ABCC8: variants seen among roughly 807,000 people sequenced by gnomAD.
ABCC8 encodes ATP binding cassette subfamily C member 8, also known as ATP-binding cassette sub-family C member 8.
Under a neutral mutation model 188.0 loss-of-function variants are expected in ABCC8, and 137 were observed. The observed-to-expected ratio is 0.73, with a 90% confidence interval of 0.63 to 0.84. The LOEUF is 0.84. ABCC8 is among the 40% of genes least tolerant of loss of function. The pLI is 0.00. For missense variants in ABCC8, 1,750 were observed against 2,072.7 expected (o/e 0.84, Z 3.02); for synonymous variants, 797 against 846.5 (o/e 0.94, Z 1.01).
chr11:17,408,143 T>C, intron 23 of ABCC8: 1 of 411,328 alleles, frequency 2.4e-6, no homozygotes, highest in Non-Finnish European at 4.4e-6. Flanking sequence ...GTTGATTTTC[T>C]GAAACTTTGC....
At chr11:17,442,313 G>A (rs1450744102) in intron 10 of ABCC8, among the ~76,000 whole-genome samples, 19 of 152,168 alleles carry the variant, frequency 1.2e-4, no homozygotes, top group Non-Finnish European at 2.9e-5. Context: ...AAGCTTTCTT[G>A]TAGCTTCCCC....
chr11:17,401,254 C>T (rs1386094440), intron 29 of ABCC8, among the ~76,000 whole-genome samples: 1 of 152,200 alleles, frequency 6.6e-6, no homozygotes, highest in East Asian at 1.9e-4. Flanking sequence ...GAAGTTCAGG[C>T]TTGAGAAGAG....
chr11:17,395,524 C>T, intron 35 of ABCC8, 86 bp downstream of exon 35: 1 of 1,517,796 alleles, frequency 6.6e-7, no homozygotes, highest in Non-Finnish European at 8.9e-7. Flanking sequence ...TCCTGGTCTC[C>T]CCCAACCCCC....
chr11:17,414,871 G>T (rs1299972837), intron 18 of ABCC8, among the ~76,000 whole-genome samples: 1 of 152,108 alleles, frequency 6.6e-6, no homozygotes, highest in Non-Finnish European at 1.5e-5. Flanking sequence ...GCAGTCTGTT[G>T]TTCCTTAGTC....
At chr11:17,428,869 G>T in intron 12 of ABCC8, 199 bp from the exon 13 acceptor site, 3 of 890,670 alleles carry the variant, frequency 3.4e-6, no homozygotes, top group South Asian at 1.7e-5. Context: ...TGACCAGTCA[G>T]CTGGAATAGG....
At chr11:17,445,967 T>TA (rs1956511055) in intron 8 of ABCC8, among the ~76,000 whole-genome samples, 1 of 44,158 alleles carries the variant, frequency 2.3e-5, no homozygotes, top group Non-Finnish European at 6.2e-5. Context: ...ACCTGATTTC[T>TA]TTTTTTTTTT....
chr11:17,427,582 G>C lies in ABCC8; in HGVS notation c.2116+285C>G, dbSNP rs572368900. ...CAGAAACCCCATCACTTCCACTTGC[G>C]TTCCTTGGCTACCCACTTCTGATCT... On this transcript the variant is annotated intron_variant, in intron 15 of 38. Transcript: ENST00000389817. This position sits in a 1 kb window ranked among gnomAD's most constrained non-coding sequence, Gnocchi z 5.0. Among the ~76,000 whole-genome samples, 1 of 152,106 alleles carries C rather than the reference G, an allele frequency of 6.6e-6. No individual in the cohort carries two copies. Among genetic ancestry groups the C allele is most frequent in the East Asian group, 1.9e-4 (1 of 5,184 alleles).
At position 17,406,941 on chromosome 11, in the gene ABCC8, T is replaced by C. The variant is rs561295694; in HGVS notation, c.3109A>G (p.Thr1037Ala). Reference protein sequence around the residue: ...VAIDYWLAKWTDSALTLTPAA... With the variant: ...VAIDYWLAKWADSALTLTPAA... ...GGGGTCAGGGTCAGGGCGCTGTCGG[T>C]CCACTTGGCCAGCCAGTAGTCGATG... Residue 1037 changes from threonine to alanine, a missense_variant, in exon 25 of 39, where the codon ACC becomes GCC. By Grantham distance (58) the Thr-to-Ala change is moderately conservative. Transcript: ENST00000389817. 2 of 1,614,076 alleles carry C rather than the reference T, an allele frequency of 1.2e-6. No homozygotes were observed. Among genetic ancestry groups the C allele is most frequent in the South Asian group, 1.1e-5 (1 of 91,080 alleles).
intron 7 of ABCC8, among the ~76,000 whole-genome samples, chr11:17,450,612 T>C (rs1158912092): frequency 6.7e-6 from 1 of 148,554 alleles, no homozygotes; most frequent in African/African-American, 2.5e-5. Flanking sequence ...TTAGCCAGGA[T>C]GGTCTCGATC....
Position 17,432,231 on chromosome 11 carries a change from C to T in ABCC8, c.1644G>A (p.Thr548=), listed in dbSNP as rs565996783. 2.8e-5 allele frequency: 43 copies of T among 1,552,482 alleles called. No individual in the cohort carries two copies. Among genetic ancestry groups the T allele is most frequent in the Non-Finnish European group, 3.1e-5 (36 of 1,147,366 alleles). ...TGAGGACAGCTGCAATGGGGATGGC[C>T]GTGTTCATGAAAACTGCAGAGGAAG... is the stretch of plus-strand genomic sequence containing the variant. ...IYTSISIFMN[T]AIPIAAVLIT... Residue 548 remains threonine, a synonymous_variant, in exon 11 of 39, where the codon ACG becomes ACA. Transcript: ENST00000389817.
chr11:17,426,188 T>C (rs1305041232), intron 16 of ABCC8, among the ~76,000 whole-genome samples: 6 of 152,176 alleles, frequency 3.9e-5, no homozygotes, highest in Admixed American at 2.6e-4. Context: ...TATAATCCTT[T>C]GGGTATATAC....
intron 10 of ABCC8, among the ~76,000 whole-genome samples, chr11:17,441,350 C>T (rs1315236008): frequency 1.3e-5 from 2 of 152,292 alleles, no homozygotes; most frequent in African/African-American, 4.8e-5. Flanking sequence ...ACACACTCCC[C>T]TCTGGCCTTA....
intron 18 of ABCC8, among the ~76,000 whole-genome samples, chr11:17,414,919 ACT>A (rs1213867632): frequency 6.6e-6 from 1 of 151,114 alleles, no homozygotes; most frequent in Non-Finnish European, 1.5e-5. Context: ...CCAAGGGAAC[ACT>A]CAACTTCTGG....
chr11:17,398,290 T>C (rs775759502), intron 30 of ABCC8, 49 bp downstream of exon 30: 2 of 1,606,880 alleles, frequency 1.2e-6, no homozygotes, highest in East Asian at 2.2e-5. Context: ...GCTCTTGCTC[T>C]GGCCCCACCC....
chr11:17,398,417 C>T lies in ABCC8; in HGVS notation c.3675G>A (p.Lys1225=), dbSNP rs747063115. Residue 1225 remains lysine (K), a synonymous_variant, in exon 30 of 39, where the codon AAG becomes AAA. Coordinates refer to ENST00000389817, the MANE Select transcript of ABCC8 (RefSeq NM_000352.6). ...TGTTGGAGTCTGTGTATTCGAGAAG[C>T]TTCTGCTGGAACCGGGCCTCATACC... The part of the protein sequence containing the change: ...AFRYEARFQQ[K]LLEYTDSNNI... 1 of 1,614,144 alleles carries T rather than the reference C, an allele frequency of 6.2e-7. No homozygotes were observed. The highest frequency in any genetic ancestry group is 8.5e-7 in the Non-Finnish European group (1 of 1,180,024).
chr11:17,424,202 T>A (rs929707957), intron 16 of ABCC8, among the ~76,000 whole-genome samples: 3 of 137,642 alleles, frequency 2.2e-5, no homozygotes, highest in East Asian at 4.3e-4. Flanking sequence ...TTAGGACAAA[T>A]ACCTAATACA....
Position 17,475,766 on chromosome 11 carries a change from G to C in ABCC8, c.149-739C>G, listed in dbSNP as rs140391194. Among the ~76,000 whole-genome samples the C allele has an allele frequency of 1.4e-4, 22 of 152,322 alleles. No individual in the cohort carries two copies. The East Asian group carries it at 4.0e-3, about 28-fold the overall frequency. On this transcript the variant is annotated intron_variant, in intron 1 of 38. Coordinates refer to ENST00000389817, the MANE Select transcript of ABCC8 (RefSeq NM_000352.6). ...GACAATCTTTCCTTTCTTCCCCAAA[G>C]CTGTATATGAATTTTAAGATTTGCT...
rs959775833 is a variant in ABCC8 at position 17,433,179 on chromosome 11, C to T, written c.1631-935G>A. 2.6e-5 allele frequency among the ~76,000 whole-genome samples: 4 copies of T among 152,170 alleles called. No homozygotes were observed. In the East Asian group the frequency reaches 7.7e-4, roughly 29 times the overall value. On this transcript the variant is annotated intron_variant, in intron 10 of 38. Transcript: ENST00000389817. ...GTGCCCTGACCCCAGGCCTAAATTTCCAGAGAGAGCAGCCCCCCCATGGCA... is the reference window on the plus strand; with the variant it reads ...GTGCCCTGACCCCAGGCCTAAATTTTCAGAGAGAGCAGCCCCCCCATGGCA...
At chr11:17,466,595 G>C (rs914273201) in intron 3 of ABCC8, among the ~76,000 whole-genome samples, 1 of 150,460 alleles carries the variant, frequency 6.6e-6, no homozygotes, top group Admixed American at 6.6e-5. Flanking sequence ...AGTGGTGATG[G>C]CTACACAGCA....
Sources: allele counts gnomAD v4.1 joint callset (sites outside exome capture counted in the v4.1 genomes callset), GRCh38; gene constraint gnomAD v4.1.1; non-coding constraint Gnocchi (gnomAD v3.1); transcripts MANE v1.5; gene names NCBI Gene and HGNC (gene_info 2026-07-23, HGNC 2026-07-21).